Variants in CAV3 observed in about 807,000 individuals in gnomAD.
CAV3 encodes the protein caveolin 3.
CAV3 carries 10 observed loss-of-function variants against 13.4 expected under a neutral mutation model. That is an observed-to-expected ratio of 0.75 (90% CI 0.46 to 1.27). CAV3 has a LOEUF of 1.27. Ranked by LOEUF, CAV3 falls within the 50% of genes most tolerant of loss-of-function variation. The probability of loss-of-function intolerance (pLI) is 0.00; values close to 1 mark genes in which losing one functional copy is unlikely to be tolerated. For missense variants in CAV3, 162 were observed against 194.0 expected, an observed-to-expected ratio of 0.83 and a Z score of 0.98; for synonymous variants, 90 against 79.0, an observed-to-expected ratio of 1.14 and a Z score of -0.74.
intron 1 of CAV3, among the ~76,000 whole-genome samples, chr3:8,734,283 C>T (rs571486974): frequency 5.9e-5 from 9 of 152,286 alleles, no homozygotes; most frequent in East Asian, 3.9e-4. Context: ...ACTACTGTGA[C>T]GCTCCTGCCA....
intron 1 of CAV3, among the ~76,000 whole-genome samples, chr3:8,741,513 T>C (rs1707957399): frequency 6.6e-6 from 1 of 152,152 alleles, no homozygotes; most frequent in South Asian, 2.1e-4. Flanking sequence ...ATTACAGATC[T>C]TGGCCCAATC....
At chr3:8,740,883 C>T (rs1370024918) in intron 1 of CAV3, among the ~76,000 whole-genome samples, 1 of 152,228 alleles carries the variant, frequency 6.6e-6, no homozygotes, top group Non-Finnish European at 1.5e-5. Context: ...GGGTATCTGG[C>T]CCCTTCAATC....
rs559206877 is a variant in CAV3, at chr3:8,745,813, G to C, written c.402G>C (p.Ala134=). The change falls in exon 2 of 2, where the codon GCG becomes GCC. Residue 134 remains alanine (A), a synonymous_variant. Transcript: ENST00000343849. This position sits in a 1 kb window ranked among gnomAD's most constrained non-coding sequence, Gnocchi z 4.8. ...CIRTFCNPLF[A]ALGQVCSSIK... ...GCACCTTCTGCAACCCACTCTTCGC[G>C]GCCCTGGGCCAGGTCTGCAGCAGCA... 89 of 1,613,822 alleles carry C rather than the reference G, an allele frequency of 5.5e-5. 3 individuals carry two copies. In the South Asian group the frequency reaches 9.2e-4, roughly 17 times the overall value.
intron 1 of CAV3, chr3:8,742,575 A>T (rs868647115): frequency 4.4e-6 from 2 of 451,890 alleles, no homozygotes; most frequent in Middle Eastern, 6.5e-4. Context: ...AATTTCTCAG[A>T]TGTATTTTCG....
chr3:8,742,616 T>C, intron 1 of CAV3: 1 of 443,908 alleles, frequency 2.3e-6, no homozygotes, highest in Non-Finnish European at 4.5e-6. Context: ...AAGGAATAAT[T>C]ACCATCACTG....
At chr3:8,737,881 C>T (rs1451379256) in intron 1 of CAV3, among the ~76,000 whole-genome samples, 2 of 152,086 alleles carry the variant, frequency 1.3e-5, no homozygotes. Context: ...AGGTCCTAGC[C>T]CCACTACAGG....
intron 1 of CAV3, among the ~76,000 whole-genome samples, chr3:8,741,087 G>A: frequency 6.6e-6 from 1 of 152,166 alleles, no homozygotes; most frequent in Non-Finnish European, 1.5e-5. Flanking sequence ...AAGATGCAGA[G>A]CTTTGTCATT....
At chr3:8,735,646 C>A (rs1379627919) in intron 1 of CAV3, among the ~76,000 whole-genome samples, 2 of 152,206 alleles carry the variant, frequency 1.3e-5, no homozygotes, top group African/African-American at 4.8e-5. Flanking sequence ...GGGGCACCTC[C>A]CATGCTGGAG....
intron 1 of CAV3, among the ~76,000 whole-genome samples, chr3:8,737,968 A>G (rs1373184151): frequency 6.6e-6 from 1 of 151,696 alleles, no homozygotes; most frequent in Non-Finnish European, 1.5e-5. Context: ...CCTCACTGAC[A>G]GCATGCTCTC....
At chr3:8,739,585 A>G (rs1707883462) in intron 1 of CAV3, among the ~76,000 whole-genome samples, 2 of 151,230 alleles carry the variant, frequency 1.3e-5, no homozygotes, top group Non-Finnish European at 2.9e-5. Flanking sequence ...GCACCACTGT[A>G]TTCCAGCCTG....
At chr3:8,739,045 A>G (rs1253107496) in intron 1 of CAV3, among the ~76,000 whole-genome samples, 2 of 152,260 alleles carry the variant, frequency 1.3e-5, no homozygotes, top group Non-Finnish European at 2.9e-5. Context: ...CTGTCATTCC[A>G]TATTGGCAAT....
rs2124988936 is a variant in CAV3, at chr3:8,745,939, CA to C, written c.*73del. 7.9e-7 allele frequency: 1 copy of C among 1,267,240 alleles called. No homozygotes were observed. The highest frequency in any genetic ancestry group is 1.3e-5 in the South Asian group (1 of 76,450). 78.5% of individuals were successfully genotyped at this position (1,267,240 alleles called of 1,614,324 possible). On this transcript the variant is annotated 3_prime_UTR_variant, in exon 2 of 2. Coordinates refer to ENST00000343849, the MANE Select transcript of CAV3 (RefSeq NM_033337.3). The surrounding 1 kb of genome is among the most constrained non-coding windows in gnomAD (Gnocchi z 4.8). The stretch of plus-strand genomic sequence containing the variant: ...GACTGGTCCCCGGGGGACTTCTTCA[CA>C]GGGGCTGCTGGCGAGCTCTTTCTCT...
intron 1 of CAV3, among the ~76,000 whole-genome samples, chr3:8,738,869 A>ATCAGCTAG (rs1157959188): frequency 6.6e-6 from 1 of 152,210 alleles, no homozygotes; most frequent in Non-Finnish European, 1.5e-5. Flanking sequence ...GCCATGCACC[A>ATCAGCTAG]TCAGCTAGTC....
At chr3:8,737,119 A>T (rs1348866111) in intron 1 of CAV3, among the ~76,000 whole-genome samples, 1 of 152,122 alleles carries the variant, frequency 6.6e-6, no homozygotes, top group Non-Finnish European at 1.5e-5. Flanking sequence ...GGAATGAGGG[A>T]GACAGAGAGA....
At chr3:8,739,441 C>T (rs1218707790) in intron 1 of CAV3, among the ~76,000 whole-genome samples, 1 of 145,780 alleles carries the variant, frequency 6.9e-6, no homozygotes, top group South Asian at 2.2e-4. Context: ...TGATGAAAAC[C>T]TGTCTCTACT....
At chr3:8,735,099 A>C (rs62242628) in intron 1 of CAV3, among the ~76,000 whole-genome samples, 8,512 of 152,286 alleles carry the variant, frequency 0.056, 317 homozygotes, top group Non-Finnish European at 0.085. Context: ...TTAAGAGGCC[A>C]GTGTCTGAGG....
intron 1 of CAV3, among the ~76,000 whole-genome samples, chr3:8,743,108 GACC>G (rs2124985497): frequency 6.6e-6 from 1 of 152,200 alleles, no homozygotes; most frequent in Non-Finnish European, 1.5e-5. Context: ...ACTCACTCAT[GACC>G]ACAGGGAGGG....
intron 1 of CAV3, among the ~76,000 whole-genome samples, chr3:8,735,232 G>A (rs1707711827): frequency 6.6e-6 from 1 of 152,208 alleles, no homozygotes; most frequent in Non-Finnish European, 1.5e-5. Context: ...GCAAACAGGT[G>A]AAATTAATGT....
intron 1 of CAV3, among the ~76,000 whole-genome samples, chr3:8,744,275 A>AT (rs35889837): frequency 0.19 from 23,050 of 120,710 alleles, 3,461 homozygotes; most frequent in African/African-American, 0.36. Flanking sequence ...GACCAGTGGA[A>AT]TTTTTTTTTT....
Sources: gnomAD v4.1 joint callset for allele counts (sites outside exome capture counted in the v4.1 genomes callset) on GRCh38, gnomAD v4.1.1 for gene constraint, Gnocchi (gnomAD v3.1) non-coding constraint, MANE v1.5 for transcripts, NCBI Gene and HGNC (gene_info 2026-07-23, HGNC 2026-07-21) for gene names.